Variants in COX10 observed in about 807,000 individuals in gnomAD.
The protein encoded by COX10 is protoheme IX farnesyltransferase, mitochondrial.
COX10 carries 27 observed loss-of-function variants against 37.3 expected under a neutral mutation model. The observed-to-expected ratio is 0.72, with a 90% CI of 0.53 to 1.00. The LOEUF (loss-of-function observed/expected upper bound fraction) is 1.00. Among genes scored for constraint, COX10 ranks in the 50% least tolerant of loss-of-function variants. COX10 has a pLI of 0.00. For synonymous variants in COX10, 222 were observed against 229.1 expected, an observed-to-expected ratio of 0.97 and a Z score of 0.28; for missense variants, 475 against 563.2, an observed-to-expected ratio of 0.84 and a Z score of 1.59.
chr17:14,116,563 C>T (rs1011352122), intron 4 of COX10, among the ~76,000 whole-genome samples: 1 of 152,088 alleles, frequency 6.6e-6, no homozygotes, highest in Non-Finnish European at 1.5e-5. Context: ...GTTGCTCAGG[C>T]CAGAAATGCT....
At chr17:14,172,349 G>A (rs555614414) in intron 5 of COX10, among the ~76,000 whole-genome samples, 2 of 152,024 alleles carry the variant, frequency 1.3e-5, no homozygotes, top group African/African-American at 4.8e-5. Context: ...ATTTTCCATA[G>A]AGGCTATACT....
intron 5 of COX10, among the ~76,000 whole-genome samples, chr17:14,165,350 C>T (rs373693091): frequency 2.0e-5 from 3 of 152,230 alleles, no homozygotes; most frequent in African/African-American, 7.2e-5. Context: ...CTGTGTCACA[C>T]TTTGATAATT....
chr17:14,197,092 G>A (rs1429633045), intron 6 of COX10, among the ~76,000 whole-genome samples: 1 of 152,164 alleles, frequency 6.6e-6, no homozygotes, highest in Non-Finnish European at 1.5e-5. Context: ...GGAAGCCGCT[G>A]AGCCAAGATT....
intron 6 of COX10, among the ~76,000 whole-genome samples, chr17:14,201,507 A>G (rs960369811): frequency 6.6e-6 from 1 of 152,238 alleles, no homozygotes; most frequent in African/African-American, 2.4e-5. Context: ...TATTTTAAGC[A>G]GAAGCATTAC....
Position 14,197,170 on chromosome 17 carries a change from ATTGGTAGCTATAGAAAACACTGTGCAT to A in COX10, c.928+4953_928+4979del, listed in dbSNP as rs375788627. 7.4e-3 allele frequency among the ~76,000 whole-genome samples: 1,131 copies of A among 152,288 alleles called. 6 individuals carry two copies. The highest frequency in any genetic ancestry group is 0.011 in the Non-Finnish European group (780 of 68,022). On this transcript the variant is annotated intron_variant, in intron 6 of 6. Coordinates refer to ENST00000261643, the MANE Select transcript of COX10 (RefSeq NM_001303.4). ...TATTTTGGAGGAGAGAGATTTAAAG[ATTGGTAGCTATAGAAAACACTGTGCAT>A]TTGAGGCAGCCCATGGGTCAGAGTG...
intron 4 of COX10, among the ~76,000 whole-genome samples, chr17:14,113,602 G>A (rs541476414): frequency 5.9e-5 from 9 of 152,082 alleles, no homozygotes; most frequent in African/African-American, 9.7e-5. Context: ...ATTTTAGCTC[G>A]TAGATTCAGC....
intron 5 of COX10, among the ~76,000 whole-genome samples, chr17:14,162,733 C>A (rs1299898525): frequency 1.3e-5 from 2 of 151,530 alleles, no homozygotes; most frequent in Non-Finnish European, 2.9e-5. Flanking sequence ...TGAAGCAGTT[C>A]ATATATACTT....
intron 4 of COX10, among the ~76,000 whole-genome samples, chr17:14,126,341 G>A (rs1011748812): frequency 6.6e-6 from 1 of 152,034 alleles, no homozygotes; most frequent in Non-Finnish European, 1.5e-5. Flanking sequence ...TTGAATTACT[G>A]CATTCAAACA....
At chr17:14,126,316 G>A (rs760246472) in intron 4 of COX10, among the ~76,000 whole-genome samples, 9 of 152,058 alleles carry the variant, frequency 5.9e-5, no homozygotes, top group South Asian at 4.2e-4. Context: ...TGAATAAAAG[G>A]TTCCGTATAA....
intron 3 of COX10, among the ~76,000 whole-genome samples, chr17:14,092,388 T>C (rs887724833): frequency 1.3e-5 from 2 of 152,122 alleles, no homozygotes; most frequent in Non-Finnish European, 1.5e-5. Flanking sequence ...ACTTTCATCA[T>C]TAATTGTATG....
chr17:14,072,764 T>C (rs1474668713), intron 1 of COX10, among the ~76,000 whole-genome samples: 15 of 152,216 alleles, frequency 9.9e-5, no homozygotes, highest in Non-Finnish European at 2.2e-4. Flanking sequence ...TTCTTGGGGT[T>C]GTGATAGTTC....
chr17:14,082,601 G>GCTTA (rs78595570), intron 3 of COX10, among the ~76,000 whole-genome samples: 9,647 of 152,016 alleles, frequency 0.063, 397 homozygotes, highest in East Asian at 0.11. Flanking sequence ...CCTTTATGTA[G>GCTTA]CTTATATGGT....
At chr17:14,124,452 A>G (rs1916292915) in intron 4 of COX10, among the ~76,000 whole-genome samples, 1 of 152,148 alleles carries the variant, frequency 6.6e-6, no homozygotes, top group Admixed American at 6.6e-5. Context: ...GACAACTCAG[A>G]GTAGGTTATT....
intron 6 of COX10, among the ~76,000 whole-genome samples, chr17:14,194,897 C>T (rs776360744): frequency 3.3e-5 from 5 of 152,138 alleles, no homozygotes; most frequent in Non-Finnish European, 5.9e-5. Context: ...CCCAACAGAA[C>T]CTGGTATAAA....
intron 6 of COX10, among the ~76,000 whole-genome samples, chr17:14,204,630 T>G (rs3785664): frequency 0.71 from 107,336 of 151,802 alleles, 38,683 homozygotes; most frequent in Non-Finnish European, 0.79. Context: ...TTCCATACCT[T>G]CTTTAGGCCC....
At chr17:14,143,437 G>T (rs1282526050) in intron 4 of COX10, among the ~76,000 whole-genome samples, 1 of 152,090 alleles carries the variant, frequency 6.6e-6, no homozygotes, top group East Asian at 1.9e-4. Flanking sequence ...TTTCAGGATT[G>T]TGGAGAAAAT....
At chr17:14,071,892 T>A (rs903556197) in intron 1 of COX10, among the ~76,000 whole-genome samples, 1 of 151,968 alleles carries the variant, frequency 6.6e-6, no homozygotes, top group African/African-American at 2.4e-5. Flanking sequence ...AGAGTGAGAC[T>A]CCATCTCAAA....
At chr17:14,205,583 A>T (rs2142272223) in intron 6 of COX10, among the ~76,000 whole-genome samples, 1 of 151,976 alleles carries the variant, frequency 6.6e-6, no homozygotes, top group African/African-American at 2.4e-5. Flanking sequence ...GCGCCCGGGG[A>T]GCATTTTTTG....
chr17:14,118,033 G>A (rs1248971237), intron 4 of COX10, among the ~76,000 whole-genome samples: 4 of 152,016 alleles, frequency 2.6e-5, no homozygotes, highest in Admixed American at 6.6e-5. Flanking sequence ...TCCCCTCAGC[G>A]TCTGTGTTGT....
Sources: gnomAD v4.1 joint callset for allele counts (sites outside exome capture counted in the v4.1 genomes callset) on GRCh38, gnomAD v4.1.1 for gene constraint, MANE v1.5 for transcripts, NCBI Gene and HGNC (gene_info 2026-07-23, HGNC 2026-07-21) for gene names.